Variants in CLDN11 observed in about 807,000 individuals in gnomAD.
CLDN11 encodes the protein claudin-11.
CLDN11 carries 1 observed loss-of-function variant against 18.0 expected under a neutral mutation model. The observed-to-expected ratio is 0.06, with a 90% CI of 0.02 to 0.26. The LOEUF is 0.26. Ranked by LOEUF, CLDN11 falls within the 10% of genes least tolerant of loss-of-function variation. The pLI is 1.00. For missense variants in CLDN11, 172 were observed against 276.6 expected, an observed-to-expected ratio of 0.62 and a Z score of 2.68; for synonymous variants, 116 against 121.5, an observed-to-expected ratio of 0.96 and a Z score of 0.30.
At chr3:170,422,048 T>C (rs1439045698) in intron 1 of CLDN11, among the ~76,000 whole-genome samples, 2 of 152,048 alleles carry the variant, frequency 1.3e-5, no homozygotes, top group Admixed American at 6.6e-5. Context: ...TGATGGACAG[T>C]TGGGGAAGGA....
At chr3:170,422,182 T>C (rs1738740268) in intron 1 of CLDN11, among the ~76,000 whole-genome samples, 1 of 152,160 alleles carries the variant, frequency 6.6e-6, no homozygotes, top group Non-Finnish European at 1.5e-5. Context: ...TTAGTCTGGG[T>C]TAGGGCCACA....
intron 2 of CLDN11, among the ~76,000 whole-genome samples, chr3:170,425,063 T>A (rs746157380): frequency 3.3e-5 from 5 of 152,166 alleles, no homozygotes; most frequent in Non-Finnish European, 1.5e-5. Flanking sequence ...GGAACACATA[T>A]CAGCATCCGG....
chr3:170,425,106 C>T (rs1435026182), intron 2 of CLDN11, among the ~76,000 whole-genome samples: 1 of 152,182 alleles, frequency 6.6e-6, no homozygotes, highest in Admixed American at 6.5e-5. Flanking sequence ...CTCCCTCTTG[C>T]AGTGCTCTAT....
In CLDN11 at chr3:170,434,659, C is replaced by A. The variant is rs1236990165; in HGVS notation, c.*1903C>A. ...GCAATCTATTTTGGCAGACTTCTTT[C>A]AAATAAAATACTAATTTCATTAGCT... On this transcript the variant is annotated 3_prime_UTR_variant, in exon 3 of 3. Transcript: ENST00000064724. Among the ~76,000 whole-genome samples the A allele has an allele frequency of 6.6e-6, 1 of 152,148 alleles. No homozygotes were observed. The highest frequency in any genetic ancestry group is 1.5e-5 in the Non-Finnish European group (1 of 68,036).
At chr3:170,427,854 A>C (rs12106835) in intron 2 of CLDN11, among the ~76,000 whole-genome samples, 2,161 of 151,246 alleles carry the variant, frequency 0.014, 44 homozygotes, top group African/African-American at 0.05. Flanking sequence ...GAAGTGACAA[A>C]GCTTGAAAAA....
chr3:170,425,854 G>A (rs765964117), intron 2 of CLDN11, among the ~76,000 whole-genome samples: 2 of 152,232 alleles, frequency 1.3e-5, no homozygotes, highest in African/African-American at 4.8e-5. Flanking sequence ...TGACCGGAAC[G>A]AGCTAGCTCT....
Position 170,418,968 on chromosome 3 carries a change from G to C in CLDN11, c.-99G>C. 1.1e-6 allele frequency: 1 copy of C among 909,696 alleles called. No individual in the cohort carries two copies. The highest frequency in any genetic ancestry group is 1.7e-6 in the Non-Finnish European group (1 of 592,302). The allele number at this position is 909,696 out of a possible 1,614,324, so 56.4% of individuals were successfully genotyped here. A position where few individuals can be genotyped will look rare whatever the true frequency, so the allele number is the denominator to read the frequency against. ...CCGCCTCGGGCCGTCGCCCTCCAGC[G>C]GCTCGCGAGCGTGGGAGACGTACCT... On this transcript the variant is annotated 5_prime_UTR_variant, in exon 1 of 3. Transcript: ENST00000064724. The surrounding 1 kb of genome is among the most constrained non-coding windows in gnomAD (Gnocchi z 4.3).
intron 2 of CLDN11, among the ~76,000 whole-genome samples, chr3:170,423,954 A>G (rs1738780241): frequency 6.7e-6 from 1 of 148,680 alleles, no homozygotes; most frequent in Non-Finnish European, 1.5e-5. Context: ...ATTTGAACCC[A>G]GGAGGCAGAG....
chr3:170,431,977 A>C (rs1022700460), intron 2 of CLDN11, among the ~76,000 whole-genome samples: 3 of 152,216 alleles, frequency 2.0e-5, no homozygotes, highest in Non-Finnish European at 4.4e-5. Flanking sequence ...GAGAAAATAG[A>C]GTGGAAAATT....
At chr3:170,420,705 T>C (rs1478138725) in intron 1 of CLDN11, among the ~76,000 whole-genome samples, 1 of 152,172 alleles carries the variant, frequency 6.6e-6, no homozygotes, top group Admixed American at 6.5e-5. Flanking sequence ...TACGCTATCC[T>C]TTCCTTCATT....
Position 170,433,708 on chromosome 3 carries a change from G to A in CLDN11, c.*952G>A, listed in dbSNP as rs900050578. 7 of 152,450 alleles carry A rather than the reference G, an allele frequency of 4.6e-5. No homozygotes were observed. The highest frequency in any genetic ancestry group is 1.7e-4 in the African/African-American group (7 of 41,374). 9.4% of individuals were successfully genotyped at this position (152,450 alleles called of 1,614,324 possible). ...CAAGATTGATCATTTTTATAACCAT[G>A]GTTTTCCTGAAATCCTCAATTCATC... is the stretch of plus-strand genomic sequence containing the variant. On this transcript the variant is annotated 3_prime_UTR_variant, in exon 3 of 3. Transcript: ENST00000064724.
intron 2 of CLDN11, among the ~76,000 whole-genome samples, chr3:170,430,307 G>A (rs1340511880): frequency 1.3e-5 from 2 of 152,242 alleles, no homozygotes; most frequent in Middle Eastern, 3.4e-3. Context: ...TGGAGTTCAC[G>A]CCAGAGAAGA....
In CLDN11 at chr3:170,432,633, G is replaced by A. The variant is rs1739027631; in HGVS notation, c.501G>A (p.Leu167=). Reference sequence around the variant, plus strand: ...ATGCAGGCTGGATTGGTGCTGTGCTGTGCCTCGTGGGTGGCTGTGTCATCC... The same window carrying A: ...ATGCAGGCTGGATTGGTGCTGTGCTATGCCTCGTGGGTGGCTGTGTCATCC... ...SLYAGWIGAV[L]CLVGGCVILC... Residue 167 remains leucine (L), a synonymous_variant, in exon 3 of 3, where the codon CTG becomes CTA. Transcript: ENST00000064724. 6.2e-7 allele frequency: 1 copy of A among 1,614,158 alleles called. No homozygotes were observed. The highest frequency in any genetic ancestry group is 1.1e-5 in the South Asian group (1 of 91,090).
chr3:170,432,096 G>A (rs1577473846), intron 2 of CLDN11, among the ~76,000 whole-genome samples: 1 of 152,160 alleles, frequency 6.6e-6, no homozygotes, highest in African/African-American at 2.4e-5. Flanking sequence ...GTAGACATAG[G>A]TAAGACATGG....
Position 170,418,967 on chromosome 3 carries a change from C to A in CLDN11, c.-100C>A. 2.2e-6 allele frequency: 2 copies of A among 902,652 alleles called. No homozygotes were observed. Among genetic ancestry groups the A allele is most frequent in the Non-Finnish European group, 3.4e-6 (2 of 585,882 alleles). The allele number at this position is 902,652 out of a possible 1,614,324, so 55.9% of individuals were successfully genotyped here. A position where few individuals can be genotyped will look rare whatever the true frequency, so the allele number is the denominator to read the frequency against. ...CCCGCCTCGGGCCGTCGCCCTCCAG[C>A]GGCTCGCGAGCGTGGGAGACGTACC... On this transcript the variant is annotated 5_prime_UTR_variant, in exon 1 of 3. Coordinates refer to ENST00000064724, the MANE Select transcript of CLDN11 (RefSeq NM_005602.6). The surrounding 1 kb of genome is among the most constrained non-coding windows in gnomAD (Gnocchi z 4.3).
intron 2 of CLDN11, among the ~76,000 whole-genome samples, chr3:170,424,981 A>G (rs1391313503): frequency 1.3e-5 from 2 of 151,978 alleles, no homozygotes; most frequent in South Asian, 2.1e-4. Context: ...AAAGGCCACT[A>G]ATTTCCAGAG....
chr3:170,428,764 C>T (rs757188141), intron 2 of CLDN11, among the ~76,000 whole-genome samples: 5 of 152,196 alleles, frequency 3.3e-5, no homozygotes, highest in African/African-American at 1.2e-4. Flanking sequence ...ACTGAAAAAT[C>T]TGAGTGCTAA....
intron 1 of CLDN11, among the ~76,000 whole-genome samples, chr3:170,420,510 C>T (rs1287153166): frequency 6.6e-6 from 1 of 152,156 alleles, no homozygotes; most frequent in Non-Finnish European, 1.5e-5. Flanking sequence ...GTACTTGGCT[C>T]TTATCCTCAC....
chr3:170,432,901 T>C lies in CLDN11; in HGVS notation c.*145T>C, dbSNP rs946513882. On this transcript the variant is annotated 3_prime_UTR_variant, in exon 3 of 3. Transcript: ENST00000064724. ...AAGCATCCTGTCTGGCATTTTGTAG[T>C]CTTAACTTCTCCCCATTTCCCCCAT... 34 of 691,542 alleles carry C rather than the reference T, an allele frequency of 4.9e-5. No individual in the cohort carries two copies. The highest frequency in any genetic ancestry group is 7.8e-5 in the Non-Finnish European group (32 of 411,342). 42.8% of individuals were successfully genotyped at this position (691,542 alleles called of 1,614,324 possible).
Sources: allele counts gnomAD v4.1 joint callset (sites outside exome capture counted in the v4.1 genomes callset), GRCh38; gene constraint gnomAD v4.1.1; non-coding constraint Gnocchi (gnomAD v3.1); transcripts MANE v1.5; gene names NCBI Gene and HGNC (gene_info 2026-07-23, HGNC 2026-07-21).